SH3RF3: variants seen among roughly 807,000 people sequenced by gnomAD.
The protein encoded by SH3RF3 is E3 ubiquitin-protein ligase SH3RF3.
Under a neutral mutation model 66.3 loss-of-function variants are expected in SH3RF3, and 29 were observed. The ratio of observed to expected loss-of-function variants is 0.44; its 90% CI spans 0.33 to 0.60. SH3RF3 has a LOEUF of 0.60. SH3RF3 is among the 20% of genes least tolerant of loss of function. SH3RF3 has a pLI of 0.04. For missense variants in SH3RF3, 1,194 were observed against 1,190.9 expected, an observed-to-expected ratio of 1.00 and a Z score of -0.04; for synonymous variants, 583 against 532.0, an observed-to-expected ratio of 1.10 and a Z score of -1.32.
At chr2:109,389,941 C>A (rs545830986) in intron 3 of SH3RF3, among the ~76,000 whole-genome samples, 80 of 152,318 alleles carry the variant, frequency 5.3e-4, no homozygotes, top group Non-Finnish European at 1.0e-3. Flanking sequence ...GTGCCAGCCA[C>A]TCCTCTTGCT....
chr2:109,341,213 A>T (rs1682546757), intron 1 of SH3RF3, among the ~76,000 whole-genome samples: 1 of 152,364 alleles, frequency 6.6e-6, no homozygotes, highest in East Asian at 1.9e-4. Context: ...AGAAAAAGGG[A>T]CAAAGGAACT....
chr2:109,266,595 G>A (rs892150916), intron 1 of SH3RF3, among the ~76,000 whole-genome samples: 1 of 152,094 alleles, frequency 6.6e-6, no homozygotes, highest in Non-Finnish European at 1.5e-5. Flanking sequence ...CCGTCACCGA[G>A]ACCTTGGAGT....
intron 1 of SH3RF3, among the ~76,000 whole-genome samples, chr2:109,344,495 G>A (rs987242909): frequency 1.3e-5 from 2 of 152,216 alleles, no homozygotes; most frequent in Admixed American, 6.5e-5. Context: ...CTCGGCTGCC[G>A]TGCCGAGGAG....
chr2:109,308,830 TGTA>T (rs2105419936), intron 1 of SH3RF3, among the ~76,000 whole-genome samples: 1 of 57,714 alleles, frequency 1.7e-5, no homozygotes. Flanking sequence ...ACTGTAGCCT[TGTA>T]GTATAGTTTG....
intron 3 of SH3RF3, among the ~76,000 whole-genome samples, chr2:109,390,793 G>A (rs180888154): frequency 6.3e-4 from 96 of 152,262 alleles, no homozygotes; most frequent in East Asian, 5.8e-4. Context: ...GTCGCTTCCC[G>A]GGCTACCCAC....
At chr2:109,332,105 A>G (rs1283371699) in intron 1 of SH3RF3, among the ~76,000 whole-genome samples, 1 of 152,166 alleles carries the variant, frequency 6.6e-6, no homozygotes, top group African/African-American at 2.4e-5. Context: ...TCTGTTTAGC[A>G]TAGACATTGG....
intron 9 of SH3RF3, among the ~76,000 whole-genome samples, chr2:109,496,572 C>G (rs36186861): frequency 0.26 from 38,811 of 152,082 alleles, 5,313 homozygotes; most frequent in East Asian, 0.5. Flanking sequence ...CTGGCCGACT[C>G]CTGCCCCTTT....
intron 8 of SH3RF3, among the ~76,000 whole-genome samples, chr2:109,458,150 G>T (rs1678113284): frequency 1.3e-5 from 2 of 152,144 alleles, no homozygotes; most frequent in Admixed American, 6.5e-5. Context: ...GGGACAGTTT[G>T]GTTTTTATTC....
chr2:109,398,475 G>A (rs1559061684), intron 3 of SH3RF3, 115 bp from the exon 4 acceptor site: 14 of 937,378 alleles, frequency 1.5e-5, no homozygotes, highest in African/African-American at 4.9e-5. Flanking sequence ...GCAGTCTGAC[G>A]GATTTGAATG....
chr2:109,471,206 C>CAAAA (rs61224177), intron 8 of SH3RF3, among the ~76,000 whole-genome samples: 29 of 40,114 alleles, frequency 7.2e-4, no homozygotes, highest in East Asian at 2.9e-3. Flanking sequence ...GACTCTGTCT[C>CAAAA]AAAAAAAAAA....
At chr2:109,372,747 T>G (rs1683302150) in intron 3 of SH3RF3, among the ~76,000 whole-genome samples, 1 of 152,198 alleles carries the variant, frequency 6.6e-6, no homozygotes, top group South Asian at 2.1e-4. Flanking sequence ...CTCTGGCTAA[T>G]GAACTGCAGT....
At chr2:109,288,201 A>G (rs1338409645) in intron 1 of SH3RF3, among the ~76,000 whole-genome samples, 1 of 152,242 alleles carries the variant, frequency 6.6e-6, no homozygotes, top group Non-Finnish European at 1.5e-5. Flanking sequence ...CATTCAGAAT[A>G]GGTGCAAGGA....
intron 1 of SH3RF3, among the ~76,000 whole-genome samples, chr2:109,193,716 T>C (rs967860730): frequency 1.3e-5 from 2 of 152,206 alleles, no homozygotes; most frequent in South Asian, 2.1e-4. Flanking sequence ...GTATGTAGTA[T>C]ACATTCTGAC....
intron 6 of SH3RF3, among the ~76,000 whole-genome samples, chr2:109,433,952 G>A (rs1677324706): frequency 1.3e-5 from 2 of 152,246 alleles, no homozygotes; most frequent in Non-Finnish European, 1.5e-5. Flanking sequence ...ACAGCCTCCT[G>A]CGGCTTCTTC....
At chr2:109,463,581 A>C (rs565181993) in intron 8 of SH3RF3, among the ~76,000 whole-genome samples, 1 of 152,228 alleles carries the variant, frequency 6.6e-6, no homozygotes, top group South Asian at 2.1e-4. Flanking sequence ...GTTACTTCCA[A>C]TTTCTGATTA....
At chr2:109,486,784 A>G (rs2104364950) in intron 8 of SH3RF3, among the ~76,000 whole-genome samples, 2 of 152,312 alleles carry the variant, frequency 1.3e-5, no homozygotes, top group African/African-American at 4.8e-5. Flanking sequence ...AGGGCCTTCC[A>G]GAAGAGAGAC....
intron 1 of SH3RF3, among the ~76,000 whole-genome samples, chr2:109,163,390 C>T (rs377444861): frequency 2.7e-3 from 192 of 70,166 alleles, no homozygotes; most frequent in African/African-American, 3.5e-3. Context: ...AGCAAATATT[C>T]TTTTTTTTTT....
chr2:109,317,998 GA>G (rs1339033345), intron 1 of SH3RF3, among the ~76,000 whole-genome samples: 1 of 151,824 alleles, frequency 6.6e-6, no homozygotes, highest in Non-Finnish European at 1.5e-5. Flanking sequence ...GCCTGCATCT[GA>G]ACGGAAGGCC....
chr2:109,129,701 T>G lies in SH3RF3; in HGVS notation c.161T>G (p.Leu54Arg), dbSNP rs1676637340. 5.9e-6 allele frequency: 9 copies of G among 1,534,578 alleles called. No individual in the cohort carries two copies. Among genetic ancestry groups the G allele is most frequent in the Non-Finnish European group, 7.9e-6 (9 of 1,144,380 alleles). Residue 54 changes from leucine (L) to arginine (R), a missense_variant, in exon 1 of 10, where the codon CTG becomes CGG. Coordinates refer to ENST00000309415, the MANE Select transcript of SH3RF3 (RefSeq NM_001099289.3). ...ATGGACGAGTCGTCGCTGCTGGACC[T>G]GCTGGAGTGCTCCGTGTGTCTGGAG... ...EDMDESSLLD[L>R]LECSVCLERL...
Sources: allele counts gnomAD v4.1 joint callset (sites outside exome capture counted in the v4.1 genomes callset), GRCh38; gene constraint gnomAD v4.1.1; transcripts MANE v1.5; gene names NCBI Gene and HGNC (gene_info 2026-07-23, HGNC 2026-07-21).